Variants in DHRSX observed in about 807,000 individuals in gnomAD.
DHRSX encodes the protein dehydrogenase/reductase X-linked, also known as polyprenol dehydrogenase.
In DHRSX, 31 loss-of-function variants were observed where a neutral mutation model predicts 34.0. The ratio of observed to expected loss-of-function variants is 0.91; its 90% confidence interval spans 0.69 to 1.23. The LOEUF is 1.23. DHRSX is among the 50% of genes most tolerant of loss of function. The pLI is 0.00. For synonymous variants in DHRSX, 201 were observed against 183.8 expected (o/e 1.09, Z -0.76); for missense variants, 414 against 428.1 (o/e 0.97, Z 0.29).
chrX:2,365,442 G>C (rs113695606), intron 3 of DHRSX, among the ~76,000 whole-genome samples: 1 of 152,044 alleles, frequency 6.6e-6, no homozygotes, highest in East Asian at 1.9e-4. Flanking sequence ...GCCTGGCCAG[G>C]TTTTGGCCTT....
At chrX:2,261,331 T>C (rs1241864247) in intron 5 of DHRSX, 2 of 152,206 alleles carry the variant, frequency 1.3e-5, no homozygotes, top group Admixed American at 1.3e-4. Flanking sequence ...TAATATATGC[T>C]TCCTCAGCTT....
intron 3 of DHRSX, among the ~76,000 whole-genome samples, chrX:2,321,401 A>G (rs2042309271): frequency 6.6e-6 from 1 of 152,096 alleles, no homozygotes; most frequent in South Asian, 2.1e-4. Flanking sequence ...TATGGAATGA[A>G]TGGTGTCACC....
chrX:2,356,028 T>C (rs927293485), intron 3 of DHRSX, among the ~76,000 whole-genome samples: 4 of 147,452 alleles, frequency 2.7e-5, no homozygotes, highest in African/African-American at 1.0e-4. Flanking sequence ...ATTGCGCCAT[T>C]GCACTCCACC....
At chrX:2,251,675 G>C (rs976681267) in intron 5 of DHRSX, among the ~76,000 whole-genome samples, 2 of 152,076 alleles carry the variant, frequency 1.3e-5, no homozygotes, top group Non-Finnish European at 2.9e-5. Flanking sequence ...AAAAAAAATG[G>C]CCTTGCTGAG....
chrX:2,497,760 C>T (rs2045318417), intron 1 of DHRSX, among the ~76,000 whole-genome samples: 1 of 152,136 alleles, frequency 6.6e-6, no homozygotes, highest in South Asian at 2.1e-4. Context: ...ATTGATGTAT[C>T]AGAGAAAATG....
At chrX:2,267,457 A>G (rs2041490316) in intron 4 of DHRSX, among the ~76,000 whole-genome samples, 1 of 151,164 alleles carries the variant, frequency 6.6e-6, no homozygotes, top group Non-Finnish European at 1.5e-5. Context: ...AGGCAGGAGA[A>G]TTGCTTGAAC....
chrX:2,444,352 T>C (rs2044101013), intron 1 of DHRSX, among the ~76,000 whole-genome samples: 1 of 152,206 alleles, frequency 6.6e-6, no homozygotes, highest in South Asian at 2.1e-4. Context: ...AGGTATTTGA[T>C]TCCTCTTGAA....
chrX:2,465,662 A>G (rs2044481506), intron 1 of DHRSX, among the ~76,000 whole-genome samples: 1 of 151,682 alleles, frequency 6.6e-6, no homozygotes, highest in African/African-American at 2.4e-5. Flanking sequence ...AAAAAGAAAA[A>G]TCAGGGTGTA....
At position 2,221,224 on chromosome X, in the gene DHRSX, G is replaced by A. The variant is rs376850995; in HGVS notation, c.810C>T (p.Pro270=). The A allele has an allele frequency of 1.8e-4, 291 of 1,612,712 alleles. No individual in the cohort carries two copies. The highest frequency in any genetic ancestry group is 3.3e-4 in the Middle Eastern group (2 of 6,066). The change falls in exon 7 of 7, where the codon CCC becomes CCT. Residue 270 remains proline (P), a synonymous_variant. Coordinates refer to ENST00000334651, the MANE Select transcript of DHRSX (RefSeq NM_145177.3). The stretch of plus-strand genomic sequence containing the variant: ...AGATGGAAGTCCACGCTCCTTCATC[G>A]GGGGTCTGGTGGAAGAAGAAAAGAA... ...KLLGWLLFKT[P]DEGAWTSIYA...
intron 3 of DHRSX, among the ~76,000 whole-genome samples, chrX:2,407,929 C>T (rs776961838): frequency 4.6e-5 from 7 of 152,000 alleles, no homozygotes; most frequent in Admixed American, 3.9e-4. Flanking sequence ...TACCTGTATA[C>T]AAATGAAAAA....
chrX:2,371,753 C>T (rs2043075472), intron 3 of DHRSX, among the ~76,000 whole-genome samples: 1 of 148,920 alleles, frequency 6.7e-6, no homozygotes, highest in Admixed American at 6.8e-5. Flanking sequence ...CTCCTCCTCC[C>T]ATTACAGTAG....
chrX:2,355,511 TAAAAAAAA>T (rs767512287), intron 3 of DHRSX, among the ~76,000 whole-genome samples: 247 of 75,242 alleles, frequency 3.3e-3, no homozygotes, highest in African/African-American at 0.011. Context: ...AGACCCCATC[TAAAAAAAA>T]AAAAAAAAAA....
chrX:2,233,174 C>T (rs2015937600), intron 6 of DHRSX, among the ~76,000 whole-genome samples: 1 of 151,616 alleles, frequency 6.6e-6, no homozygotes, highest in Non-Finnish European at 1.5e-5. Context: ...ACTGTGGCTT[C>T]GCGGCAGAAT....
intron 5 of DHRSX, among the ~76,000 whole-genome samples, chrX:2,258,084 C>T (rs1206007656): frequency 6.6e-6 from 1 of 152,046 alleles, no homozygotes; most frequent in Admixed American, 6.6e-5. Context: ...ATGACATCTC[C>T]AAGCCCAGGA....
intron 1 of DHRSX, chrX:2,489,775 G>A: frequency 6.2e-7 from 1 of 1,613,402 alleles, no homozygotes; most frequent in Non-Finnish European, 8.5e-7. Context: ...CCAGTTTGCG[G>A]CAGCGCGACA....
intron 3 of DHRSX, among the ~76,000 whole-genome samples, chrX:2,384,736 G>C: frequency 7.3e-6 from 1 of 137,054 alleles, no homozygotes; most frequent in Admixed American, 7.6e-5. Flanking sequence ...CACAGGAAGG[G>C]GAACATCACA....
At chrX:2,224,260 C>T (rs898262890) in intron 6 of DHRSX, among the ~76,000 whole-genome samples, 8 of 135,760 alleles carry the variant, frequency 5.9e-5, no homozygotes, top group Non-Finnish European at 1.3e-4. Flanking sequence ...GCTTAGGCCG[C>T]TCCTGGGTTC....
At chrX:2,476,678 C>T (rs987343816) in intron 1 of DHRSX, among the ~76,000 whole-genome samples, 1 of 152,116 alleles carries the variant, frequency 6.6e-6, no homozygotes, top group Non-Finnish European at 1.5e-5. Context: ...AGGTGGTGTA[C>T]ATACACCACA....
Position 2,500,801 on chromosome X carries a change from G to A in DHRSX, c.109+16C>T. The A allele has an allele frequency of 9.2e-7, 1 of 1,092,744 alleles. No homozygotes were observed. The highest frequency in any genetic ancestry group is 1.1e-6 in the Non-Finnish European group (1 of 899,784). 67.7% of individuals were successfully genotyped at this position (1,092,744 alleles called of 1,614,324 possible). The stretch of plus-strand genomic sequence containing the variant: ...CCGGGTCCCCGGAGCCCTGACCCCT[G>A]CCCCGCCCCGCTGACCTGGCTCCAG... On this transcript the variant is annotated intron_variant, in intron 1 of 6. Coordinates refer to ENST00000334651, the MANE Select transcript of DHRSX (RefSeq NM_145177.3).
Sources: allele counts gnomAD v4.1 joint callset (sites outside exome capture counted in the v4.1 genomes callset), GRCh38; gene constraint gnomAD v4.1.1; transcripts MANE v1.5; gene names NCBI Gene and HGNC (gene_info 2026-07-23, HGNC 2026-07-21).